DMC1: variants seen among roughly 807,000 people sequenced by gnomAD.
DMC1 encodes meiotic recombination protein DMC1 homolog.
DMC1 carries 27 observed loss-of-function variants against 50.1 expected under a neutral mutation model. That is an observed-to-expected ratio of 0.54 (90% CI 0.40 to 0.74). The LOEUF is 0.74. DMC1 is among the 30% of genes least tolerant of loss of function. The pLI is 0.00. For missense variants in DMC1, 295 were observed against 420.2 expected (o/e 0.70, Z 2.60); for synonymous variants, 148 against 136.1 (o/e 1.09, Z -0.61).
intron 12 of DMC1, among the ~76,000 whole-genome samples, chr22:38,535,016 G>A (rs926411052): frequency 2.9e-4 from 44 of 149,844 alleles, no homozygotes; most frequent in East Asian, 2.0e-4. Flanking sequence ...AAAAAAAAAA[G>A]AGGCTGGGCA....
intron 11 of DMC1, among the ~76,000 whole-genome samples, chr22:38,537,883 G>A (rs576320366): frequency 4.5e-4 from 68 of 152,188 alleles, no homozygotes; most frequent in African/African-American, 1.6e-3. Flanking sequence ...AGCGGCTCAT[G>A]CCTGTAATCC....
chr22:38,545,481 G>A (rs1233477212), intron 8 of DMC1, among the ~76,000 whole-genome samples: 1 of 151,986 alleles, frequency 6.6e-6, no homozygotes, highest in Non-Finnish European at 1.5e-5. Context: ...GGACTGCAGT[G>A]GCGCTATCTC....
chr22:38,535,410 C>CCACACACACA (rs141719568), intron 12 of DMC1, among the ~76,000 whole-genome samples: 1 of 147,930 alleles, frequency 6.8e-6, no homozygotes, highest in African/African-American at 2.5e-5. Context: ...ATGTACACCT[C>CCACACACACA]CACACACACA....
At chr22:38,512,087 G>A in the DMC1 span, among the ~76,000 whole-genome samples, 1 of 152,116 alleles carries the variant, frequency 6.6e-6, no homozygotes, top group African/African-American at 2.4e-5. Flanking sequence ...AGATTCACCC[G>A]CCTCAACCTC....
chr22:38,514,246 C>CTTT (rs142872124), downstream of DMC1, among the ~76,000 whole-genome samples: 25 of 71,314 alleles, frequency 3.5e-4, 1 homozygote, highest in South Asian at 5.5e-4. Flanking sequence ...GTTAGGTATT[C>CTTT]TTTTTTTTTT....
Position 38,522,233 on chromosome 22 carries a change from G to A in DMC1, c.837-509C>T, listed in dbSNP as rs565631063. On this transcript the variant is annotated intron_variant, in intron 12 of 13. Coordinates refer to ENST00000216024, the MANE Select transcript of DMC1 (RefSeq NM_007068.4). ...CCCAAAGTGCTGGGGTTACAAGCAC[G>A]AGCCACTGTGCCCAGCCTGACTTTA... is the stretch of plus-strand genomic sequence containing the variant. Among the ~76,000 whole-genome samples the A allele has an allele frequency of 6.0e-5, 9 of 149,604 alleles. No homozygotes were observed. In the South Asian group the frequency reaches 1.8e-3, roughly 29 times the overall value.
chr22:38,561,102 C>G (rs2090523118), intron 5 of DMC1, among the ~76,000 whole-genome samples: 1 of 151,986 alleles, frequency 6.6e-6, no homozygotes, highest in Non-Finnish European at 1.5e-5. Flanking sequence ...CTCCTGGGCT[C>G]TAGCAATCCT....
intron 8 of DMC1, chr22:38,545,858 T>C (rs2090338284): frequency 6.6e-6 from 1 of 152,162 alleles, no homozygotes; most frequent in Non-Finnish European, 1.5e-5. Flanking sequence ...ATGGAGGATA[T>C]AAGGAGTCCT....
chr22:38,542,351 A>G (rs968242024), intron 8 of DMC1, among the ~76,000 whole-genome samples: 2 of 152,156 alleles, frequency 1.3e-5, no homozygotes, highest in African/African-American at 4.8e-5. Context: ...CAAATTCAGT[A>G]AAGTTGCAGG....
In DMC1 at chr22:38,552,727, AT is replaced by A. The variant is rs2090425893; in HGVS notation, c.380-21del. On this transcript the variant is annotated intron_variant, in intron 6 of 13. Transcript: ENST00000216024. ...GAAATTCTGTGAAATACAGAAAAAA[AT>A]GATTTTAAAAATGCATAATTTCCAG... The A allele has an allele frequency of 3.9e-6, 6 of 1,530,382 alleles. No individual in the cohort carries two copies. In the South Asian group the frequency reaches 6.7e-5, roughly 17 times the overall value. 94.8% of individuals were successfully genotyped at this position (1,530,382 alleles called of 1,614,324 possible).
At chr22:38,536,994 G>A (rs1234478568) in intron 12 of DMC1, among the ~76,000 whole-genome samples, 1 of 151,926 alleles carries the variant, frequency 6.6e-6, no homozygotes, top group Non-Finnish European at 1.5e-5. Flanking sequence ...GGGATTACAG[G>A]TGCACGCCAC....
rs1008093409 is a variant in DMC1 at position 38,566,660 on chromosome 22, G to C, written c.173C>G (p.Ala58Gly). ...TGAGAGTCCTTTGACATTGCATAGAGCTCTTCTTGTTGTCATCTGTATACC... is the reference window on the plus strand; with the variant it reads ...TGAGAGTCCTTTGACATTGCATAGACCTCTTCTTGTTGTCATCTGTATACC... ...IKGIQMTTRRALCNVKGLSEA... is the reference protein window; with the variant it reads ...IKGIQMTTRRGLCNVKGLSEA... Residue 58 changes from alanine to glycine, a missense_variant, in exon 4 of 14, where the codon GCT (alanine) becomes GGT (glycine). Ala to Gly is a moderately conservative substitution (Grantham distance 60). Coordinates refer to ENST00000216024, the MANE Select transcript of DMC1 (RefSeq NM_007068.4). 2 of 1,613,694 alleles carry C rather than the reference G, an allele frequency of 1.2e-6. No individual in the cohort carries two copies. The highest frequency in any genetic ancestry group is 1.7e-6 in the Non-Finnish European group (2 of 1,179,580).
the DMC1 span, among the ~76,000 whole-genome samples, chr22:38,511,147 CAG>C: frequency 6.6e-6 from 1 of 151,178 alleles, no homozygotes; most frequent in African/African-American, 2.4e-5. Flanking sequence ...AACAAACAAA[CAG>C]AAAATCTGAA....
At chr22:38,560,101 A>T (rs1433952474) in intron 5 of DMC1, among the ~76,000 whole-genome samples, 1 of 152,164 alleles carries the variant, frequency 6.6e-6, no homozygotes, top group Non-Finnish European at 1.5e-5. Context: ...AATGGTATGG[A>T]TAAAAATAAG....
the DMC1 span, among the ~76,000 whole-genome samples, chr22:38,511,975 A>ATCTT: frequency 3.3e-5 from 5 of 149,664 alleles, no homozygotes; most frequent in Non-Finnish European, 5.9e-5. Context: ...TCTGCCTTTT[A>ATCTT]TCTTTCTTTC....
At chr22:38,532,793 A>AT (rs564633480) in intron 12 of DMC1, among the ~76,000 whole-genome samples, 106 of 151,022 alleles carry the variant, frequency 7.0e-4, no homozygotes, top group Middle Eastern at 3.4e-3. Flanking sequence ...CTAATTTTTA[A>AT]TTTTTTTTAG....
At chr22:38,513,288 G>A in the DMC1 span, among the ~76,000 whole-genome samples, 1 of 152,202 alleles carries the variant, frequency 6.6e-6, no homozygotes, top group Non-Finnish European at 1.5e-5. Context: ...GGTGTGAGCA[G>A]CCTCTAACCC....
intron 12 of DMC1, among the ~76,000 whole-genome samples, chr22:38,526,049 A>G (rs540931028): frequency 1.2e-4 from 19 of 152,200 alleles, no homozygotes; most frequent in Non-Finnish European, 2.2e-4. Flanking sequence ...CTAAGAAGTT[A>G]TATCAAAATA....
intron 6 of DMC1, among the ~76,000 whole-genome samples, chr22:38,554,903 G>A (rs1020366182): frequency 3.3e-5 from 5 of 152,122 alleles, no homozygotes; most frequent in African/African-American, 1.2e-4. Context: ...CTAACATGGT[G>A]AAACCCCGTC....
Sources: allele counts gnomAD v4.1 joint callset (sites outside exome capture counted in the v4.1 genomes callset), GRCh38; gene constraint gnomAD v4.1.1; transcripts MANE v1.5; gene names NCBI Gene and HGNC (gene_info 2026-07-23, HGNC 2026-07-21).